Variants in SCRN3 observed in about 807,000 individuals in gnomAD.
SCRN3 encodes the protein secernin-3.
Under a neutral mutation model 43.1 loss-of-function variants are expected in SCRN3, and 39 were observed. That is an observed-to-expected ratio of 0.91 (90% CI 0.70 to 1.18). SCRN3 has a LOEUF of 1.18. Among genes scored for constraint, SCRN3 ranks in the 50% most tolerant of loss-of-function variants. The pLI, the probability that SCRN3 is intolerant of heterozygous loss-of-function variation, is 0.00. For synonymous variants in SCRN3, 147 were observed against 163.1 expected (o/e 0.90, Z 0.75); for missense variants, 484 against 498.0 (o/e 0.97, Z 0.27).
In SCRN3 at chr2:174,424,456, TAA is replaced by T. The variant is rs1202283282; in HGVS notation, c.918-17_918-16del. On this transcript the variant is annotated splice_polypyrimidine_tract_variant and intron_variant, in intron 6 of 7. Coordinates refer to ENST00000272732, the MANE Select transcript of SCRN3 (RefSeq NM_024583.5). ...TTTATATATTGACATGATAATTTAA[TAA>T]AGACTCTTTTTTCTAGATCTGTTTT... 5.3e-6 allele frequency: 8 copies of T among 1,516,822 alleles called. No individual in the cohort carries two copies. The highest frequency in any genetic ancestry group is 3.6e-6 in the Non-Finnish European group (4 of 1,108,382). 94.0% of individuals were successfully genotyped at this position (1,516,822 alleles called of 1,614,324 possible).
chr2:174,396,159 A>G lies in SCRN3; in HGVS notation c.-10+342A>G, dbSNP rs990065141. 7.1e-6 allele frequency: 6 copies of G among 845,886 alleles called. No homozygotes were observed. In the African/African-American group the frequency reaches 1.1e-4, roughly 15 times the overall value. The allele number at this position is 845,886 out of a possible 1,614,324, so 52.4% of individuals were successfully genotyped here. A position where few individuals can be genotyped will look rare whatever the true frequency, so the allele number is the denominator to read the frequency against. On this transcript the variant is annotated intron_variant, in intron 1 of 7. Coordinates refer to ENST00000272732, the MANE Select transcript of SCRN3 (RefSeq NM_024583.5). ...GTTTCTGAAAGCGCCGGCTGAACTAAGAGCGCGTGAAATAGAATGACAGAC... is the reference window on the plus strand; with the variant it reads ...GTTTCTGAAAGCGCCGGCTGAACTAGGAGCGCGTGAAATAGAATGACAGAC...
At chr2:174,416,030 C>G (rs1239203748) in intron 5 of SCRN3, among the ~76,000 whole-genome samples, 2 of 152,112 alleles carry the variant, frequency 1.3e-5, no homozygotes, top group African/African-American at 4.8e-5. Context: ...ATTCATTAAA[C>G]AAATTATATG....
At chr2:174,399,192 A>T (rs529074197) in intron 2 of SCRN3, among the ~76,000 whole-genome samples, 66 of 152,346 alleles carry the variant, frequency 4.3e-4, no homozygotes, top group African/African-American at 1.5e-3. Context: ...TAATATTAAA[A>T]CATATTAAAT....
intron 4 of SCRN3, among the ~76,000 whole-genome samples, chr2:174,403,023 TA>T (rs914226942): frequency 3.3e-5 from 5 of 151,550 alleles, no homozygotes; most frequent in Non-Finnish European, 5.9e-5. Flanking sequence ...ATTTATAATT[TA>T]AAAAAATTTA....
At chr2:174,414,930 A>AT (rs1471913689) in intron 5 of SCRN3, among the ~76,000 whole-genome samples, 1 of 151,694 alleles carries the variant, frequency 6.6e-6, no homozygotes, top group African/African-American at 2.4e-5. Context: ...CGCCTGGCTA[A>AT]TTTTTTTATT....
intron 5 of SCRN3, among the ~76,000 whole-genome samples, chr2:174,409,514 C>T (rs1037702120): frequency 1.4e-5 from 2 of 146,920 alleles, no homozygotes; most frequent in African/African-American, 4.9e-5. Context: ...AACTGCGTTC[C>T]TTTGGAGGAG....
At chr2:174,395,972 G>A in intron 1 of SCRN3, 155 bp downstream of exon 1, 1 of 1,385,836 alleles carries the variant, frequency 7.2e-7, no homozygotes, top group Non-Finnish European at 9.3e-7. Flanking sequence ...GTGGACCGCG[G>A]CGGCCCTTCG....
chr2:174,429,978 G>A (rs1433823163), downstream of SCRN3, among the ~76,000 whole-genome samples: 1 of 152,142 alleles, frequency 6.6e-6, no homozygotes, highest in Non-Finnish European at 1.5e-5. Flanking sequence ...TTAGTGCTAA[G>A]TAATATTCGA....
chr2:174,423,902 C>A (rs1306773434), intron 6 of SCRN3, among the ~76,000 whole-genome samples: 1 of 150,954 alleles, frequency 6.6e-6, no homozygotes, highest in Non-Finnish European at 1.5e-5. Flanking sequence ...GATCCTCCTG[C>A]CTTAGCTTCC....
chr2:174,400,130 C>T, intron 3 of SCRN3, 27 bp downstream of exon 3: 5 of 1,424,058 alleles, frequency 3.5e-6, no homozygotes, highest in Non-Finnish European at 3.8e-6. Flanking sequence ...TTTTATACTA[C>T]AGACCTTGTC....
At chr2:174,398,498 AT>A (rs1236977983) in intron 2 of SCRN3, 56 bp downstream of exon 2, 1 of 1,423,616 alleles carries the variant, frequency 7.0e-7, no homozygotes, top group African/African-American at 1.5e-5. Context: ...TCATAAAGTT[AT>A]TTCTATACAT....
chr2:174,411,753 C>A (rs1685924841), intron 5 of SCRN3, among the ~76,000 whole-genome samples: 1 of 152,088 alleles, frequency 6.6e-6, no homozygotes, highest in African/African-American at 2.4e-5. Context: ...GAAACCCCGT[C>A]TCTACTAAAA....
At chr2:174,402,104 G>A (rs1383953207) in intron 4 of SCRN3, among the ~76,000 whole-genome samples, 1 of 152,060 alleles carries the variant, frequency 6.6e-6, no homozygotes, top group Non-Finnish European at 1.5e-5. Context: ...TTTGTTTTAT[G>A]TTTTGCATAT....
At chr2:174,423,176 G>A in intron 6 of SCRN3, 129 bp downstream of exon 6, 6 of 651,764 alleles carry the variant, frequency 9.2e-6, no homozygotes, top group Middle Eastern at 4.2e-4. Flanking sequence ...TATATTTTCT[G>A]TTCAGGCTTT....
chr2:174,419,754 A>G (rs1185145006), intron 5 of SCRN3, among the ~76,000 whole-genome samples: 3 of 152,150 alleles, frequency 2.0e-5, no homozygotes, highest in African/African-American at 7.2e-5. Flanking sequence ...GATTCACCAC[A>G]TTCATTACTG....
intron 5 of SCRN3, among the ~76,000 whole-genome samples, chr2:174,411,660 G>A (rs766565759): frequency 4.6e-5 from 7 of 152,100 alleles, no homozygotes; most frequent in South Asian, 4.1e-4. Context: ...TGTGGCTCAC[G>A]TATGTAATCC....
chr2:174,404,281 C>T lies in SCRN3; in HGVS notation c.720C>T (p.Tyr240=). 1 of 1,613,582 alleles carries T rather than the reference C, an allele frequency of 6.2e-7. No individual in the cohort carries two copies. ...AGATGATGACTTCATCAGGCAGATACTGTGAGGGCTACAAGCTTCTAAATA... is the reference window on the plus strand; with the variant it reads ...AGATGATGACTTCATCAGGCAGATATTGTGAGGGCTACAAGCTTCTAAATA... ...TAKMMTSSGR[Y]CEGYKLLNKH... Residue 240 remains tyrosine, a synonymous_variant, in exon 5 of 8, where the codon TAC becomes TAT. Transcript: ENST00000272732.
chr2:174,407,101 G>A, intron 5 of SCRN3, among the ~76,000 whole-genome samples: 1 of 45,188 alleles, frequency 2.2e-5, no homozygotes, highest in African/African-American at 7.9e-5. Flanking sequence ...GACTCTTTTT[G>A]GTTGGTAAAC....
chr2:174,395,853 T>G (rs1244283081), intron 1 of SCRN3, 36 bp downstream of exon 1: 1 of 1,462,944 alleles, frequency 6.8e-7, no homozygotes, highest in Non-Finnish European at 9.0e-7. Flanking sequence ...CGTGCATAGT[T>G]GAGACAGAAA....
Sources: gnomAD v4.1 joint callset for allele counts (sites outside exome capture counted in the v4.1 genomes callset) on GRCh38, gnomAD v4.1.1 for gene constraint, MANE v1.5 for transcripts, NCBI Gene and HGNC (gene_info 2026-07-23, HGNC 2026-07-21) for gene names.